CDH4: variants seen among roughly 807,000 people sequenced by gnomAD.
The protein encoded by CDH4 is cadherin 4.
CDH4 carries 33 observed loss-of-function variants against 86.0 expected under a neutral mutation model. The observed-to-expected ratio is 0.38, with a 90% CI of 0.29 to 0.51. The LOEUF (loss-of-function observed/expected upper bound fraction) is 0.51. CDH4 is among the 20% of genes least tolerant of loss of function. The pLI is 0.86. For synonymous variants in CDH4, 555 were observed against 549.4 expected, an observed-to-expected ratio of 1.01 and a Z score of -0.14; for missense variants, 1,114 against 1,307.4, an observed-to-expected ratio of 0.85 and a Z score of 2.28.
chr20:61,672,161 A>G lies in CDH4; in HGVS notation c.170-71402A>G, dbSNP rs556665147. 3.3e-5 allele frequency among the ~76,000 whole-genome samples: 5 copies of G among 151,276 alleles called. No homozygotes were observed. In the East Asian group the frequency reaches 7.8e-4, roughly 24 times the overall value. On this transcript the variant is annotated intron_variant, in intron 2 of 15. Coordinates refer to ENST00000614565, the MANE Select transcript of CDH4 (RefSeq NM_001794.5). ...AATGATCATATGGGTGGATGGGTTG[A>G]TGGATAGATGAATGGGTGGGTATAT...
chr20:61,881,447 C>A (rs183855729), intron 7 of CDH4, among the ~76,000 whole-genome samples: 1 of 152,232 alleles, frequency 6.6e-6, no homozygotes, highest in Non-Finnish European at 1.5e-5. Context: ...CCCAGCGAGC[C>A]GCTCCCGTGA....
chr20:61,359,783 G>A (rs1410518696), intron 2 of CDH4, among the ~76,000 whole-genome samples: 1 of 152,234 alleles, frequency 6.6e-6, no homozygotes, highest in African/African-American at 2.4e-5. Flanking sequence ...GTGGGGGAGA[G>A]AAAAGAGAGA....
chr20:61,329,477 T>TGTGCTGCAGTGGATTGCAGCATGCGTG (rs1555837324), intron 2 of CDH4, among the ~76,000 whole-genome samples: 1 of 152,068 alleles, frequency 6.6e-6, no homozygotes, highest in East Asian at 1.9e-4. Flanking sequence ...GAGGTGGCTG[T>TGTGCTGCAGTGGATTGCAGCATGCGTG]GAGTGGCTCT....
chr20:61,709,738 C>A lies in CDH4; in HGVS notation c.170-33825C>A, dbSNP rs11698189. Among the ~76,000 whole-genome samples the A allele has an allele frequency of 6.6e-6, 1 of 152,150 alleles. No individual in the cohort carries two copies. The highest frequency in any genetic ancestry group is 1.5e-5 in the Non-Finnish European group (1 of 68,034). ...GCTCCACTCTACACACTTGCCACGT[C>A]CCCTGGTCCTCACGAAGCCCAAAAT... On this transcript the variant is annotated intron_variant, in intron 2 of 15. Coordinates refer to ENST00000614565, the MANE Select transcript of CDH4 (RefSeq NM_001794.5). This position sits in a 1 kb window ranked among gnomAD's most constrained non-coding sequence, Gnocchi z 4.8.
At position 61,623,602 on chromosome 20, in the gene CDH4, C is replaced by G. The variant is rs985182311; in HGVS notation, c.170-119961C>G. ...ACCCAGCGGCCGTGTTGTCTTTCCT[C>G]TACATGAGCATCATTCGTGCAAAGT... On this transcript the variant is annotated intron_variant, in intron 2 of 15. Transcript: ENST00000614565. This position sits in a 1 kb window ranked among gnomAD's most constrained non-coding sequence, Gnocchi z 4.4. 6.6e-6 allele frequency among the ~76,000 whole-genome samples: 1 copy of G among 152,164 alleles called. No individual in the cohort carries two copies. Among genetic ancestry groups the G allele is most frequent in the Non-Finnish European group, 1.5e-5 (1 of 68,034 alleles).
Position 61,480,438 on chromosome 20 carries a change from T to G in CDH4, c.169+225501T>G, listed in dbSNP as rs1018889813. ...CCTGCCACGCCATCTCTGGGAAGCC[T>G]CCTTTCCCTCTTCGTCCAGGTTTTA... On this transcript the variant is annotated intron_variant, in intron 2 of 15. Coordinates refer to ENST00000614565, the MANE Select transcript of CDH4 (RefSeq NM_001794.5). This position sits in a 1 kb window ranked among gnomAD's most constrained non-coding sequence, Gnocchi z 5.2. Among the ~76,000 whole-genome samples, 1 of 152,238 alleles carries G rather than the reference T, an allele frequency of 6.6e-6. No homozygotes were observed. The highest frequency in any genetic ancestry group is 1.5e-5 in the Non-Finnish European group (1 of 68,038).
Position 61,807,078 on chromosome 20 carries a change from G to A in CDH4, c.576+33896G>A, listed in dbSNP as rs905737496. Among the ~76,000 whole-genome samples, 15 of 152,152 alleles carry A rather than the reference G, an allele frequency of 9.9e-5. No homozygotes were observed. The highest frequency in any genetic ancestry group is 1.5e-5 in the Non-Finnish European group (1 of 68,022). On this transcript the variant is annotated intron_variant, in intron 4 of 15. Coordinates refer to ENST00000614565, the MANE Select transcript of CDH4 (RefSeq NM_001794.5). The surrounding 1 kb of genome is among the most constrained non-coding windows in gnomAD (Gnocchi z 4.5). The stretch of plus-strand genomic sequence containing the variant: ...CAGGAGATGATTTTGAAAATGTCTC[G>A]CTCATCCCCTGATCTATGAGCTCCC...
At chr20:61,481,191 C>T (rs2145578883) in intron 2 of CDH4, among the ~76,000 whole-genome samples, 1 of 152,298 alleles carries the variant, frequency 6.6e-6, no homozygotes, top group Middle Eastern at 3.4e-3. Flanking sequence ...GTGGTAGGGT[C>T]TGGAGCCATA....
At chr20:61,933,381 C>A (rs1002689354) in intron 14 of CDH4, among the ~76,000 whole-genome samples, 1 of 152,184 alleles carries the variant, frequency 6.6e-6, no homozygotes, top group African/African-American at 2.4e-5. Flanking sequence ...CCAGTGCTGC[C>A]CTGTGCCCTG....
At chr20:61,324,376 TG>T (rs1475203503) in intron 2 of CDH4, among the ~76,000 whole-genome samples, 1 of 152,214 alleles carries the variant, frequency 6.6e-6, no homozygotes, top group African/African-American at 2.4e-5. Context: ...CTTTCAGTTC[TG>T]GGGGCCAGAA....
At chr20:61,262,981 G>GAA (rs2084136309) in intron 2 of CDH4, among the ~76,000 whole-genome samples, 1 of 151,858 alleles carries the variant, frequency 6.6e-6, no homozygotes, top group Admixed American at 6.6e-5. Context: ...GAGAGAGAGA[G>GAA]AGAGCAAGCA....
chr20:61,881,914 C>G (rs1445682980), intron 7 of CDH4, among the ~76,000 whole-genome samples: 1 of 152,238 alleles, frequency 6.6e-6, no homozygotes, highest in Non-Finnish European at 1.5e-5. Context: ...GGGGTGGACC[C>G]TAAATCCTTA....
rs1568755936 is a variant in CDH4 at position 61,686,891 on chromosome 20, T to A, written c.170-56672T>A. On this transcript the variant is annotated intron_variant, in intron 2 of 15. Transcript: ENST00000614565. The stretch of plus-strand genomic sequence containing the variant: ...ACAGGACGGAGAGTGATTAACTTGC[T>A]ATCAGATCCTCTCGAGTCAGGTTAA... Among the ~76,000 whole-genome samples, 4 of 152,206 alleles carry A rather than the reference T, an allele frequency of 2.6e-5. No individual in the cohort carries two copies. In the South Asian group the frequency reaches 6.2e-4, roughly 24 times the overall value.
chr20:61,597,753 A>C (rs2086567557), intron 2 of CDH4, among the ~76,000 whole-genome samples: 1 of 152,198 alleles, frequency 6.6e-6, no homozygotes, highest in African/African-American at 2.4e-5. Context: ...GTGGCCCATG[A>C]AGGAGCCACA....
intron 8 of CDH4, among the ~76,000 whole-genome samples, chr20:61,908,519 C>T (rs1284162781): frequency 6.6e-6 from 1 of 152,170 alleles, no homozygotes; most frequent in Non-Finnish European, 1.5e-5. Context: ...GATTCTGGGC[C>T]CAGAACCGCT....
At chr20:61,870,643 G>A (rs770711715) in intron 6 of CDH4, among the ~76,000 whole-genome samples, 4 of 152,290 alleles carry the variant, frequency 2.6e-5, no homozygotes, top group Non-Finnish European at 4.4e-5. Flanking sequence ...ACGGGTGGAG[G>A]GGAACAGTGA....
At chr20:61,356,722 G>A (rs2084752578) in intron 2 of CDH4, among the ~76,000 whole-genome samples, 1 of 152,130 alleles carries the variant, frequency 6.6e-6, no homozygotes, top group Admixed American at 6.5e-5. Context: ...CATTAGTGAA[G>A]CATGAAAAGA....
intron 2 of CDH4, among the ~76,000 whole-genome samples, chr20:61,589,567 T>C (rs2086502321): frequency 6.6e-6 from 1 of 152,114 alleles, no homozygotes; most frequent in Non-Finnish European, 1.5e-5. Flanking sequence ...ACAAGAACCA[T>C]CCAAAGCTCT....
rs993986515 is a variant in CDH4 at position 61,628,670 on chromosome 20, C to T, written c.170-114893C>T. On this transcript the variant is annotated intron_variant, in intron 2 of 15. Transcript: ENST00000614565. Reference sequence around the variant, plus strand: ...CTGTGGGGGATGGCCCGGGTGCACCCCGCCCAGCGGGTCTGTTGAATGCAG... The same window carrying T: ...CTGTGGGGGATGGCCCGGGTGCACCTCGCCCAGCGGGTCTGTTGAATGCAG... 3.3e-5 allele frequency among the ~76,000 whole-genome samples: 5 copies of T among 152,210 alleles called. No individual in the cohort carries two copies. In the South Asian group the frequency reaches 6.2e-4, roughly 19 times the overall value.
Sources: gnomAD v4.1 joint callset for allele counts (sites outside exome capture counted in the v4.1 genomes callset) on GRCh38, gnomAD v4.1.1 for gene constraint, Gnocchi (gnomAD v3.1) non-coding constraint, MANE v1.5 for transcripts, NCBI Gene and HGNC (gene_info 2026-07-23, HGNC 2026-07-21) for gene names.